NCKAP5: variants seen among roughly 807,000 people sequenced by gnomAD.
NCKAP5 encodes the protein nck-associated protein 5.
NCKAP5 carries 92 observed loss-of-function variants against 167.0 expected under a neutral mutation model. That is an observed-to-expected ratio of 0.55 (90% confidence interval 0.47 to 0.66). The LOEUF is 0.66. Among genes scored for constraint, NCKAP5 ranks in the 30% least tolerant of loss-of-function variants. The pLI, the probability that NCKAP5 is intolerant of heterozygous loss-of-function variation, is 0.00. For synonymous variants in NCKAP5, 891 were observed against 877.4 expected, an observed-to-expected ratio of 1.02 and a Z score of -0.27; for missense variants, 2,378 against 2,315.0, an observed-to-expected ratio of 1.03 and a Z score of -0.56.
chr2:132,781,311 TA>T (rs1683012471), intron 14 of NCKAP5, 82 bp from the exon 15 acceptor site: 1 of 1,327,068 alleles, frequency 7.5e-7, no homozygotes, highest in Admixed American at 2.6e-5. Flanking sequence ...TTTTAATATT[TA>T]AAGTAACCTC....
the NCKAP5 span, among the ~76,000 whole-genome samples, chr2:133,628,913 C>G: frequency 6.6e-6 from 1 of 152,186 alleles, no homozygotes; most frequent in African/African-American, 2.4e-5. Context: ...GTAAATGGTG[C>G]TGGGAGAACT....
intron 7 of NCKAP5, among the ~76,000 whole-genome samples, chr2:132,965,130 T>C (rs746330943): frequency 3.3e-5 from 5 of 152,210 alleles, no homozygotes; most frequent in Non-Finnish European, 7.3e-5. Flanking sequence ...TTTCAGGATC[T>C]AATTTCTCCT....
intron 19 of NCKAP5, among the ~76,000 whole-genome samples, chr2:132,716,963 A>G (rs1288826124): frequency 6.6e-6 from 1 of 151,956 alleles, no homozygotes; most frequent in African/African-American, 2.4e-5. Flanking sequence ...TTGTTTTGTT[A>G]TTGTTTATGA....
At chr2:132,917,148 A>C (rs1694947726) in intron 8 of NCKAP5, among the ~76,000 whole-genome samples, 1 of 152,230 alleles carries the variant, frequency 6.6e-6, no homozygotes, top group African/African-American at 2.4e-5. Flanking sequence ...AAAGATATGC[A>C]GTGACTTGTC....
chr2:133,341,911 C>T (rs1272664152), intron 3 of NCKAP5, among the ~76,000 whole-genome samples: 1 of 152,138 alleles, frequency 6.6e-6, no homozygotes, highest in Non-Finnish European at 1.5e-5. Flanking sequence ...TAAGCCATGA[C>T]TAATGAATAG....
At chr2:133,633,537 C>T in the NCKAP5 span, among the ~76,000 whole-genome samples, 7 of 152,244 alleles carry the variant, frequency 4.6e-5, no homozygotes, top group South Asian at 2.1e-4. Flanking sequence ...GGCTGGCTCA[C>T]GCTGAAAAGT....
intron 6 of NCKAP5, among the ~76,000 whole-genome samples, chr2:133,030,715 C>A (rs978981459): frequency 6.6e-6 from 1 of 152,162 alleles, no homozygotes; most frequent in African/African-American, 2.4e-5. Context: ...TGGGGATTAT[C>A]TCAGTTCAGG....
intron 3 of NCKAP5, among the ~76,000 whole-genome samples, chr2:133,355,595 CA>C (rs1247647097): frequency 6.6e-6 from 1 of 151,916 alleles, no homozygotes; most frequent in African/African-American, 2.4e-5. Flanking sequence ...TACTTATTGC[CA>C]ACCTTTTTTT....
intron 3 of NCKAP5, among the ~76,000 whole-genome samples, chr2:133,489,170 G>T (rs990618851): frequency 1.4e-4 from 21 of 152,064 alleles, no homozygotes; most frequent in African/African-American, 3.6e-4. Flanking sequence ...TGTTTTATTT[G>T]GTTCTTCTGC....
In NCKAP5 at chr2:133,116,283, C is replaced by T. The variant is rs1308537604; in HGVS notation, c.341+13695G>A. Among the ~76,000 whole-genome samples, 16 of 86,552 alleles carry T rather than the reference C, an allele frequency of 1.8e-4. 3 individuals are homozygous for T. The highest frequency in any genetic ancestry group is 1.6e-3 in the Admixed American group (13 of 8,186). The allele number at this position is 86,552 out of a possible 152,430, so 56.8% of individuals were successfully genotyped here. ...CGGGCGGATCACGAGGTCAGGAGAT[C>T]GAGACCATCCTGGCTAACACGGTGA... On this transcript the variant is annotated intron_variant, in intron 6 of 19. Transcript: ENST00000409261.
At chr2:132,759,687 T>G (rs1425307680) in intron 16 of NCKAP5, among the ~76,000 whole-genome samples, 1 of 152,118 alleles carries the variant, frequency 6.6e-6, no homozygotes, top group African/African-American at 2.4e-5. Context: ...GTATTTATTT[T>G]TCTGTCCTTT....
chr2:133,483,077 T>C lies in NCKAP5; in HGVS notation c.69+34381A>G, dbSNP rs557575989. ...TTCAAGTATTTTTAACATTCCTTTA[T>C]CTATCTATCTATCTAGCTATTGTCC... On this transcript the variant is annotated intron_variant, in intron 3 of 19. Transcript: ENST00000409261. Among the ~76,000 whole-genome samples, 53 of 148,666 alleles carry C rather than the reference T, an allele frequency of 3.6e-4. No individual in the cohort carries two copies. In the East Asian group the frequency reaches 8.7e-3, roughly 24 times the overall value.
At chr2:133,186,270 T>G (rs1446674552) in intron 5 of NCKAP5, among the ~76,000 whole-genome samples, 1 of 152,172 alleles carries the variant, frequency 6.6e-6, no homozygotes, top group Non-Finnish European at 1.5e-5. Flanking sequence ...TTGATTTGCT[T>G]ATGTTGAACC....
At chr2:132,880,486 C>T (rs1174118056) in intron 8 of NCKAP5, among the ~76,000 whole-genome samples, 3 of 151,886 alleles carry the variant, frequency 2.0e-5, no homozygotes, top group South Asian at 2.1e-4. Context: ...AAAAATTAAC[C>T]GGGCTTGGTG....
chr2:132,865,330 G>C (rs1690254753), intron 10 of NCKAP5, among the ~76,000 whole-genome samples: 1 of 151,908 alleles, frequency 6.6e-6, no homozygotes, highest in Admixed American at 6.6e-5. Context: ...TTATAATGAG[G>C]GCAATGGCTA....
At chr2:133,233,894 G>A (rs2087270658) in intron 4 of NCKAP5, among the ~76,000 whole-genome samples, 1 of 152,088 alleles carries the variant, frequency 6.6e-6, no homozygotes. Context: ...GATTTCTTTG[G>A]AGCCTAATAT....
intron 5 of NCKAP5, among the ~76,000 whole-genome samples, chr2:133,167,256 C>G (rs372244344): frequency 2.0e-5 from 3 of 152,270 alleles, no homozygotes; most frequent in African/African-American, 7.2e-5. Flanking sequence ...ACTTGGCTTA[C>G]TCATCTTAGT....
At chr2:133,290,151 C>A (rs901653695) in intron 4 of NCKAP5, among the ~76,000 whole-genome samples, 2 of 152,136 alleles carry the variant, frequency 1.3e-5, no homozygotes, top group African/African-American at 2.4e-5. Context: ...TCCGTAAATA[C>A]CACTTTCAAG....
At chr2:133,326,333 A>T (rs964197437) in intron 3 of NCKAP5, among the ~76,000 whole-genome samples, 1 of 152,028 alleles carries the variant, frequency 6.6e-6, no homozygotes, top group Non-Finnish European at 1.5e-5. Context: ...ACATGCTTGT[A>T]ATCCCAGCTA....
Sources: allele counts gnomAD v4.1 joint callset (sites outside exome capture counted in the v4.1 genomes callset), GRCh38; gene constraint gnomAD v4.1.1; transcripts MANE v1.5; gene names NCBI Gene and HGNC (gene_info 2026-07-23, HGNC 2026-07-21).